GLIS3: variants seen among roughly 807,000 people sequenced by gnomAD.
GLIS3 encodes zinc finger protein GLIS3.
GLIS3 carries 53 observed loss-of-function variants against 78.6 expected under a neutral mutation model. That is an observed-to-expected ratio of 0.67 (90% CI 0.54 to 0.85). The LOEUF is 0.85. Ranked by LOEUF, GLIS3 falls within the 40% of genes least tolerant of loss-of-function variation. The pLI, the probability that GLIS3 is intolerant of heterozygous loss-of-function variation, is 0.00. For synonymous variants in GLIS3, 684 were observed against 509.9 expected (o/e 1.34, Z -4.60); for missense variants, 1,703 against 1,231.1 (o/e 1.38, Z -5.74).
intron 2 of GLIS3, among the ~76,000 whole-genome samples, chr9:4,159,038 A>G (rs1835269661): frequency 6.6e-6 from 1 of 150,996 alleles, no homozygotes; most frequent in African/African-American, 2.4e-5. Flanking sequence ...AAGAAGAAAA[A>G]AAAAAAAAAA....
chr9:4,450,752 T>A, the GLIS3 span, among the ~76,000 whole-genome samples: 14 of 152,136 alleles, frequency 9.2e-5, 1 homozygote, highest in Admixed American at 8.5e-4. Context: ...CAAACTAAGC[T>A]TCACAAGTGA....
At chr9:4,397,024 C>CTTTTTTTTTTTT in the GLIS3 span, among the ~76,000 whole-genome samples, 3 of 121,210 alleles carry the variant, frequency 2.5e-5, no homozygotes, top group Non-Finnish European at 5.3e-5. Context: ...TTCTTTTTTT[C>CTTTTTTTTTTTT]TTTTTTTTTT....
chr9:4,407,822 G>A, the GLIS3 span, among the ~76,000 whole-genome samples: 1 of 152,064 alleles, frequency 6.6e-6, no homozygotes, highest in Non-Finnish European at 1.5e-5. Context: ...ACAAAGTGAA[G>A]AGGCAACCCG....
chr9:4,269,610 C>T (rs1372710894), intron 2 of GLIS3, among the ~76,000 whole-genome samples: 1 of 152,138 alleles, frequency 6.6e-6, no homozygotes, highest in East Asian at 1.9e-4. Flanking sequence ...TTATGTGTTC[C>T]AGTGTAGTTG....
chr9:4,208,961 A>G (rs1563758838), intron 2 of GLIS3, among the ~76,000 whole-genome samples: 1 of 152,204 alleles, frequency 6.6e-6, no homozygotes, highest in Non-Finnish European at 1.5e-5. Flanking sequence ...CTGATGGTGC[A>G]CTTCTTCATA....
intron 4 of GLIS3, among the ~76,000 whole-genome samples, chr9:4,083,462 T>C (rs1828730109): frequency 6.6e-6 from 1 of 152,160 alleles, no homozygotes; most frequent in South Asian, 2.1e-4. Context: ...TACTAATGAA[T>C]GTTTGAAGTG....
At chr9:4,234,119 C>T (rs1010518829) in intron 2 of GLIS3, among the ~76,000 whole-genome samples, 1 of 152,114 alleles carries the variant, frequency 6.6e-6, no homozygotes, top group African/African-American at 2.4e-5. Context: ...AAACTTTCTC[C>T]GTATCAGCAA....
chr9:4,335,139 AC>A lies in GLIS3; in HGVS notation n.264+11941del, dbSNP rs775124940. Among the ~76,000 whole-genome samples the A allele has an allele frequency of 7.9e-5, 12 of 151,966 alleles. No individual in the cohort carries two copies. In the East Asian group the frequency reaches 1.9e-3, roughly 25 times the overall value. On this transcript the variant is annotated intron_variant and non_coding_transcript_variant, in intron 2 of 4. Transcript: ENST00000471664. ...TAGCCAGGATGGTCTTGATCTCCTG[AC>A]CTCGTGATCCACCCGCCTTGGCATC...
intron 4 of GLIS3, among the ~76,000 whole-genome samples, chr9:4,048,453 G>A (rs1047642554): frequency 2.0e-5 from 3 of 152,070 alleles, no homozygotes; most frequent in Non-Finnish European, 4.4e-5. Context: ...CCATGGCTCA[G>A]TATGTGCATA....
At chr9:4,078,555 C>T (rs1385111793) in intron 4 of GLIS3, among the ~76,000 whole-genome samples, 1 of 152,206 alleles carries the variant, frequency 6.6e-6, no homozygotes, top group Non-Finnish European at 1.5e-5. Flanking sequence ...CTGGTATTTA[C>T]CTAGCTGTCC....
chr9:4,357,410 T>C, the GLIS3 span, among the ~76,000 whole-genome samples: 2 of 152,204 alleles, frequency 1.3e-5, no homozygotes, highest in African/African-American at 4.8e-5. Flanking sequence ...AGTCTTCTCT[T>C]GCCTTCAGTT....
intron 4 of GLIS3, among the ~76,000 whole-genome samples, chr9:3,942,373 T>C (rs1035851478): frequency 1.9e-4 from 29 of 152,242 alleles, no homozygotes; most frequent in African/African-American, 6.0e-4. Flanking sequence ...ACTGACGAAG[T>C]ATATGCCAGT....
intron 2 of GLIS3, among the ~76,000 whole-genome samples, chr9:4,227,506 A>C (rs889436047): frequency 2.6e-5 from 4 of 152,128 alleles, no homozygotes; most frequent in Admixed American, 1.3e-4. Context: ...CTCTGGGCCA[A>C]AGAATACTCA....
chr9:4,118,120 G>A lies in GLIS3; in HGVS notation c.1358C>T (p.Pro453Leu), dbSNP rs778144860. The A allele has an allele frequency of 1.3e-6, 2 of 1,549,496 alleles. No homozygotes were observed. The highest frequency in any genetic ancestry group is 1.7e-6 in the Non-Finnish European group (2 of 1,147,606). ...LPPAPPLPPL[P>L]PPPGPPPPYH... ...AGGGGGTGGGGGGCCTGGGGGCGGC[G>A]GCAGAGGAGGGAGCGGAGGCGCGGG... The change falls in exon 4 of 11, where the codon CCG (proline) becomes CTG (leucine). Residue 453 changes from proline to leucine, a missense_variant. Transcript: ENST00000381971. The surrounding 1 kb of genome is among the most constrained non-coding windows in gnomAD (Gnocchi z 4.7).
chr9:4,387,277 A>G, the GLIS3 span, among the ~76,000 whole-genome samples: 9 of 152,060 alleles, frequency 5.9e-5, no homozygotes, highest in Admixed American at 5.9e-4. Flanking sequence ...GCTCAATCCA[A>G]AACAATGGCC....
intron 2 of GLIS3, among the ~76,000 whole-genome samples, chr9:4,284,391 T>C (rs79977819): frequency 0.079 from 12,027 of 152,156 alleles, 791 homozygotes; most frequent in African/African-American, 0.16. Context: ...AAGCATGCGC[T>C]AAAAGGCTTT....
chr9:4,035,861 C>T (rs1202054186), intron 4 of GLIS3: 1 of 152,294 alleles, frequency 6.6e-6, no homozygotes, highest in African/African-American at 2.4e-5. Context: ...TCTCCTGGGA[C>T]TGGAATGCTC....
chr9:4,486,726 G>A, the GLIS3 span, among the ~76,000 whole-genome samples: 7 of 152,156 alleles, frequency 4.6e-5, no homozygotes, highest in Non-Finnish European at 1.0e-4. Flanking sequence ...AAGGCCTCTT[G>A]TCACCCAGGC....
chr9:3,897,257 T>G lies in GLIS3; in HGVS notation c.2128+1434A>C, dbSNP rs977006838. Among the ~76,000 whole-genome samples, 93 of 152,294 alleles carry G rather than the reference T, an allele frequency of 6.1e-4. 1 individual carries two copies. On this transcript the variant is annotated intron_variant, in intron 7 of 10. Transcript: ENST00000381971. Reference sequence around the variant, plus strand: ...TCAATCACTTCTGGTTAGTGTTGACTGTTGACTATTGGGTTCCAGGTCTTA... The same window carrying G: ...TCAATCACTTCTGGTTAGTGTTGACGGTTGACTATTGGGTTCCAGGTCTTA...
Sources: gnomAD v4.1 joint callset for allele counts (sites outside exome capture counted in the v4.1 genomes callset) on GRCh38, gnomAD v4.1.1 for gene constraint, Gnocchi (gnomAD v3.1) non-coding constraint, MANE v1.5 for transcripts, NCBI Gene and HGNC (gene_info 2026-07-23, HGNC 2026-07-21) for gene names.